The following ZNF804A variants were observed in gnomAD, a reference collection of about 807,000 sequenced individuals.
ZNF804A encodes zinc finger protein 804A.
Under a neutral mutation model 16.5 loss-of-function variants are expected in ZNF804A, and 2 were observed. That is an observed-to-expected ratio of 0.12 (90% confidence interval 0.05 to 0.38). The LOEUF is 0.38. Ranked by LOEUF, ZNF804A falls within the 10% of genes least tolerant of loss-of-function variation. The probability of loss-of-function intolerance (pLI) is 0.99; values close to 1 mark genes in which losing one functional copy is unlikely to be tolerated. For synonymous variants in ZNF804A, 534 were observed against 489.6 expected (o/e 1.09, Z -1.20); for missense variants, 1,473 against 1,390.7 (o/e 1.06, Z -0.94).
chr2:184,690,909 T>C (rs940000173), intron 1 of ZNF804A, among the ~76,000 whole-genome samples: 1 of 151,972 alleles, frequency 6.6e-6, no homozygotes, highest in Non-Finnish European at 1.5e-5. Context: ...CCAATTTTTG[T>C]TTGAAAAAAT....
intron 1 of ZNF804A, among the ~76,000 whole-genome samples, chr2:184,764,300 G>A (rs1361117421): frequency 6.6e-6 from 1 of 151,672 alleles, no homozygotes; most frequent in Admixed American, 6.6e-5. Context: ...ATTTTGATTA[G>A]GTGGTCATTA....
chr2:184,903,373 A>G (rs1391774555), intron 2 of ZNF804A, among the ~76,000 whole-genome samples: 1 of 152,176 alleles, frequency 6.6e-6, no homozygotes, highest in African/African-American at 2.4e-5. Context: ...GTTTAAATAC[A>G]CGTATACTTA....
chr2:184,640,080 A>G (rs1376270249), intron 1 of ZNF804A, among the ~76,000 whole-genome samples: 2 of 152,076 alleles, frequency 1.3e-5, no homozygotes, highest in African/African-American at 2.4e-5. Flanking sequence ...ATATAAATCT[A>G]GCCTTGATAA....
chr2:184,865,645 A>G (rs1052093634), intron 1 of ZNF804A, among the ~76,000 whole-genome samples: 1 of 152,174 alleles, frequency 6.6e-6, no homozygotes, highest in Non-Finnish European at 1.5e-5. Flanking sequence ...AACAAAAGCT[A>G]ATGATGACTG....
chr2:184,930,666 A>C (rs1019590174), intron 2 of ZNF804A, among the ~76,000 whole-genome samples: 6 of 152,190 alleles, frequency 3.9e-5, no homozygotes, highest in Non-Finnish European at 7.4e-5. Context: ...TTATTTATTC[A>C]TAGTGATGAA....
chr2:184,747,850 C>G lies in ZNF804A; in HGVS notation c.112-118519C>G, dbSNP rs1156863032. ...CCACAGTGTCTGTTTTTCCTATGCT[C>G]TCTTCTATATGTGCTCAATGTTTAA... is the stretch of plus-strand genomic sequence containing the variant. On this transcript the variant is annotated intron_variant, in intron 1 of 3. Coordinates refer to ENST00000302277, the MANE Select transcript of ZNF804A (RefSeq NM_194250.2). Among the ~76,000 whole-genome samples the G allele has an allele frequency of 3.3e-5, 5 of 151,052 alleles. No homozygotes were observed. The South Asian group carries it at 8.3e-4, about 25-fold the overall frequency.
At chr2:184,930,316 G>C (rs1309892829) in intron 2 of ZNF804A, among the ~76,000 whole-genome samples, 2 of 152,088 alleles carry the variant, frequency 1.3e-5, no homozygotes, top group Non-Finnish European at 2.9e-5. Context: ...CATTTTAATA[G>C]TCATATTAAG....
At chr2:184,757,292 C>G (rs1241921881) in intron 1 of ZNF804A, among the ~76,000 whole-genome samples, 3 of 151,902 alleles carry the variant, frequency 2.0e-5, no homozygotes, top group Admixed American at 1.3e-4. Context: ...GAAACCTGAC[C>G]CAAATCCTTG....
chr2:184,802,317 T>C (rs1484896558), intron 1 of ZNF804A, among the ~76,000 whole-genome samples: 1 of 152,178 alleles, frequency 6.6e-6, no homozygotes, highest in Non-Finnish European at 1.5e-5. Flanking sequence ...CAAGTCTTTT[T>C]CACTGGAAAG....
chr2:184,763,628 TG>T (rs1694073412), intron 1 of ZNF804A, among the ~76,000 whole-genome samples: 1 of 96,590 alleles, frequency 1.0e-5, no homozygotes, highest in African/African-American at 3.8e-5. Context: ...TTCTTCAAAG[TG>T]CTTTTTTTTT....
intron 1 of ZNF804A, among the ~76,000 whole-genome samples, chr2:184,796,196 T>G (rs531503607): frequency 6.6e-6 from 1 of 152,212 alleles, no homozygotes; most frequent in Admixed American, 6.5e-5. Context: ...GTTATGTCCA[T>G]TCCTGGTTTT....
intron 1 of ZNF804A, among the ~76,000 whole-genome samples, chr2:184,751,064 T>A (rs1468536493): frequency 6.6e-6 from 1 of 151,510 alleles, no homozygotes; most frequent in South Asian, 2.1e-4. Flanking sequence ...ATATTACTTA[T>A]CCATTCAGCC....
chr2:184,937,120 A>G lies in ZNF804A; in HGVS notation c.1724A>G (p.Glu575Gly). The change falls in exon 4 of 4, where the codon GAA (glutamate) becomes GGA (glycine). Residue 575 changes from glutamate to glycine, a missense_variant. Physicochemically the swap from Glu to Gly is moderately conservative, Grantham distance 98 (BLOSUM62 -2). Transcript: ENST00000302277. ...CAAATAAAACAGGACACTCTAGATG[A>G]AAAATACAACAAAATAAGGTTGAAA... ...KSQIKQDTLD[E>G]KYNKIRLKET... 1 of 1,604,134 alleles carries G rather than the reference A, an allele frequency of 6.2e-7. No homozygotes were observed. Among genetic ancestry groups the G allele is most frequent in the Non-Finnish European group, 8.5e-7 (1 of 1,177,602 alleles).
chr2:184,800,004 G>C (rs1694699770), intron 1 of ZNF804A, among the ~76,000 whole-genome samples: 1 of 151,752 alleles, frequency 6.6e-6, no homozygotes, highest in Admixed American at 6.6e-5. Flanking sequence ...TTTTTCTTTT[G>C]TGTGAGTTTT....
intron 1 of ZNF804A, among the ~76,000 whole-genome samples, chr2:184,613,894 A>C (rs957307368): frequency 2.0e-4 from 31 of 152,300 alleles, no homozygotes; most frequent in African/African-American, 7.2e-4. Context: ...TATCCCCATC[A>C]AGCTACCATT....
chr2:184,656,169 A>G (rs1274801001), intron 1 of ZNF804A, among the ~76,000 whole-genome samples: 1 of 152,156 alleles, frequency 6.6e-6, no homozygotes, highest in Non-Finnish European at 1.5e-5. Flanking sequence ...TGGTATGTGT[A>G]TCTGTGGTAT....
chr2:184,807,163 C>A (rs1694820938), intron 1 of ZNF804A, among the ~76,000 whole-genome samples: 1 of 151,766 alleles, frequency 6.6e-6, no homozygotes, highest in South Asian at 2.1e-4. Context: ...TTGTAACATT[C>A]ACTCCAATCA....
intron 1 of ZNF804A, among the ~76,000 whole-genome samples, chr2:184,802,332 C>T (rs1694740349): frequency 6.6e-6 from 1 of 152,052 alleles, no homozygotes; most frequent in Non-Finnish European, 1.5e-5. Flanking sequence ...GGAAAGTAAA[C>T]CTTTGTTATG....
At chr2:184,893,362 T>C (rs2091275656) in intron 2 of ZNF804A, among the ~76,000 whole-genome samples, 1 of 152,016 alleles carries the variant, frequency 6.6e-6, no homozygotes, top group Non-Finnish European at 1.5e-5. Flanking sequence ...TAGATCATTA[T>C]AGAAGTATTT....
Sources: gnomAD v4.1 joint callset for allele counts (sites outside exome capture counted in the v4.1 genomes callset) on GRCh38, gnomAD v4.1.1 for gene constraint, MANE v1.5 for transcripts, NCBI Gene and HGNC (gene_info 2026-07-23, HGNC 2026-07-21) for gene names.